Variants in UNC5C observed in about 807,000 individuals in gnomAD.
UNC5C encodes the protein unc-5 netrin receptor C.
In UNC5C, 47 loss-of-function variants were observed where a neutral mutation model predicts 99.8. The ratio of observed to expected loss-of-function variants is 0.47; its 90% CI spans 0.37 to 0.60. The LOEUF is 0.60. Among genes scored for constraint, UNC5C ranks in the 20% least tolerant of loss-of-function variants. UNC5C has a pLI of 0.00. For missense variants in UNC5C, 1,062 were observed against 1,165.9 expected (o/e 0.91, Z 1.30); for synonymous variants, 487 against 452.2 (o/e 1.08, Z -0.98).
intron 3 of UNC5C, among the ~76,000 whole-genome samples, chr4:95,290,489 C>T (rs537614004): frequency 6.6e-6 from 1 of 152,004 alleles, no homozygotes; most frequent in Non-Finnish European, 1.5e-5. Flanking sequence ...AACTGGACTG[C>T]AAAGAGAAAA....
At chr4:95,330,979 C>A (rs1341475856) in intron 2 of UNC5C, among the ~76,000 whole-genome samples, 1 of 152,018 alleles carries the variant, frequency 6.6e-6, no homozygotes, top group Non-Finnish European at 1.5e-5. Flanking sequence ...CACCTGCATC[C>A]TTCTGAGTCT....
intron 1 of UNC5C, among the ~76,000 whole-genome samples, chr4:95,495,167 T>A (rs1560484163): frequency 6.6e-6 from 1 of 151,572 alleles, no homozygotes; most frequent in Non-Finnish European, 1.5e-5. Flanking sequence ...TTCTCTATTT[T>A]TTTCTTTCTA....
At position 95,524,673 on chromosome 4, in the gene UNC5C, TACTC is replaced by T. The variant is rs1323145333; in HGVS notation, c.124+24057_124+24060del. Among the ~76,000 whole-genome samples, 3 of 152,184 alleles carry T rather than the reference TACTC, an allele frequency of 2.0e-5. No homozygotes were observed. In the East Asian group the frequency reaches 5.8e-4, roughly 29 times the overall value. ...TCTGTTGTACTACATTCAGCCCACTTACTCACGTAACCTCATTGGTCCCAGTAGG... is the reference window on the plus strand; with the variant it reads ...TCTGTTGTACTACATTCAGCCCACTTACGTAACCTCATTGGTCCCAGTAGG... On this transcript the variant is annotated intron_variant, in intron 1 of 15. Coordinates refer to ENST00000453304, the MANE Select transcript of UNC5C (RefSeq NM_003728.4).
Position 95,163,340 on chromosome 4 carries a change from C to G in UNC5C, c.*5894G>C, listed in dbSNP as rs762136954. Reference sequence around the variant, plus strand: ...TCTTGCTCTTATATGTCACTCCGAACAGAGTTGTTTTAACATTGAGAACCT... The same window carrying G: ...TCTTGCTCTTATATGTCACTCCGAAGAGAGTTGTTTTAACATTGAGAACCT... On this transcript the variant is annotated 3_prime_UTR_variant, in exon 16 of 16. Transcript: ENST00000453304. 2 of 152,174 alleles carry G rather than the reference C, an allele frequency of 1.3e-5. No individual in the cohort carries two copies. Among genetic ancestry groups the G allele is most frequent in the Non-Finnish European group, 2.9e-5 (2 of 68,038 alleles). The allele number at this position is 152,174 out of a possible 1,614,324, so 9.4% of individuals were successfully genotyped here.
At chr4:95,438,776 ATAT>A (rs1560832763) in intron 1 of UNC5C, among the ~76,000 whole-genome samples, 1 of 152,138 alleles carries the variant, frequency 6.6e-6, no homozygotes, top group Non-Finnish European at 1.5e-5. Context: ...AGAATATAAA[ATAT>A]TGTGTGTGCA....
At chr4:95,363,572 T>C (rs1744461731) in intron 1 of UNC5C, among the ~76,000 whole-genome samples, 1 of 152,140 alleles carries the variant, frequency 6.6e-6, no homozygotes, top group Admixed American at 6.5e-5. Context: ...TTGCACTCTA[T>C]AAAAGAGGCT....
intron 1 of UNC5C, among the ~76,000 whole-genome samples, chr4:95,407,812 G>C (rs1309547004): frequency 6.6e-6 from 1 of 152,184 alleles, no homozygotes; most frequent in African/African-American, 2.4e-5. Context: ...GCAGCTAGGA[G>C]AGGGGAGCAT....
chr4:95,364,853 T>C lies in UNC5C; in HGVS notation c.125-29222A>G, dbSNP rs77862910. On this transcript the variant is annotated intron_variant, in intron 1 of 15. Transcript: ENST00000453304. ...TTATTTTTCTGCCCTACTAACTTTCTCAAGGATTTATCTTATTCATTGCAG... is the reference window on the plus strand; with the variant it reads ...TTATTTTTCTGCCCTACTAACTTTCCCAAGGATTTATCTTATTCATTGCAG... Among the ~76,000 whole-genome samples, 16 of 152,282 alleles carry C rather than the reference T, an allele frequency of 1.1e-4. 1 individual carries two copies. The East Asian group carries it at 3.1e-3, about 29-fold the overall frequency.
chr4:95,214,094 A>G (rs1738166190), intron 10 of UNC5C, among the ~76,000 whole-genome samples: 1 of 152,248 alleles, frequency 6.6e-6, no homozygotes, highest in African/African-American at 2.4e-5. Context: ...AATGAAATTA[A>G]GAGTTTGCTG....
At chr4:95,274,800 C>A (rs1421487317) in intron 4 of UNC5C, among the ~76,000 whole-genome samples, 4 of 151,958 alleles carry the variant, frequency 2.6e-5, no homozygotes, top group Non-Finnish European at 5.9e-5. Flanking sequence ...CTGAGGCAAG[C>A]AGATCACTTA....
intron 1 of UNC5C, among the ~76,000 whole-genome samples, chr4:95,475,917 G>GCTC (rs1748130871): frequency 6.6e-6 from 1 of 152,044 alleles, no homozygotes; most frequent in Non-Finnish European, 1.5e-5. Flanking sequence ...GTTTTCAAAA[G>GCTC]CTCACATAAT....
chr4:95,335,853 G>T (rs191517782), intron 1 of UNC5C, among the ~76,000 whole-genome samples: 73 of 151,978 alleles, frequency 4.8e-4, no homozygotes, highest in African/African-American at 1.6e-3. Context: ...GGGAGGATAA[G>T]TAAGTTGCCC....
At chr4:95,237,848 CCTGGCCAA>C in intron 7 of UNC5C, among the ~76,000 whole-genome samples, 1 of 152,214 alleles carries the variant, frequency 6.6e-6, no homozygotes, top group African/African-American at 2.4e-5. Flanking sequence ...TCTAGACCAT[CCTGGCCAA>C]CATGGTAAAA....
At chr4:95,289,043 T>A (rs567463116) in intron 3 of UNC5C, among the ~76,000 whole-genome samples, 1 of 152,330 alleles carries the variant, frequency 6.6e-6, no homozygotes, top group South Asian at 2.1e-4. Flanking sequence ...CTTACTGAGG[T>A]TGCTATGTTT....
chr4:95,231,548 C>CT (rs1475361897), intron 7 of UNC5C, among the ~76,000 whole-genome samples: 2 of 152,184 alleles, frequency 1.3e-5, no homozygotes, highest in Non-Finnish European at 2.9e-5. Flanking sequence ...AGAATCCCCT[C>CT]TCCTTGACCT....
chr4:95,304,904 A>G (rs974903863), intron 2 of UNC5C, among the ~76,000 whole-genome samples: 1 of 152,224 alleles, frequency 6.6e-6, no homozygotes, highest in African/African-American at 2.4e-5. Context: ...TAAATGCTTG[A>G]GGAATTCAGT....
chr4:95,425,445 G>A (rs537683939), intron 1 of UNC5C, among the ~76,000 whole-genome samples: 1 of 152,144 alleles, frequency 6.6e-6, no homozygotes, highest in Non-Finnish European at 1.5e-5. Flanking sequence ...CTTCAGCGTC[G>A]CGAGTAACTG....
In UNC5C at chr4:95,469,328, G is replaced by A. The variant is rs999153039; in HGVS notation, c.124+79406C>T. Among the ~76,000 whole-genome samples, 3 of 152,130 alleles carry A rather than the reference G, an allele frequency of 2.0e-5. 1 individual carries two copies. The South Asian group carries it at 6.2e-4, about 32-fold the overall frequency. Reference sequence around the variant, plus strand: ...CATTTAAAATCTTTCTAAAATTATCGAACCATCCTTTGCTGGTATTAAATT... The same window carrying A: ...CATTTAAAATCTTTCTAAAATTATCAAACCATCCTTTGCTGGTATTAAATT... On this transcript the variant is annotated intron_variant, in intron 1 of 15. Transcript: ENST00000453304.
chr4:95,236,325 T>C (rs1739109952), intron 7 of UNC5C, among the ~76,000 whole-genome samples: 1 of 150,966 alleles, frequency 6.6e-6, no homozygotes, highest in South Asian at 2.1e-4. Context: ...CAGCAAACTA[T>C]CGCAAGGACA....
Sources: gnomAD v4.1 joint callset for allele counts (sites outside exome capture counted in the v4.1 genomes callset) on GRCh38, gnomAD v4.1.1 for gene constraint, MANE v1.5 for transcripts, NCBI Gene and HGNC (gene_info 2026-07-23, HGNC 2026-07-21) for gene names.